The following OR5D3 variants were observed in gnomAD, a reference collection of about 807,000 sequenced individuals.
OR5D3 encodes the protein olfactory receptor 5D3.
the OR5D3 span, chr11:55,723,960 A>C: frequency 2.5e-6 from 1 of 397,778 alleles, no homozygotes; most frequent in Non-Finnish European, 4.4e-6. Flanking sequence ...GTTTGTTTCT[A>C]TTAATTAAGT....
chr11:55,726,587 C>T, the OR5D3 span: 9 of 404,266 alleles, frequency 2.2e-5, no homozygotes, highest in Non-Finnish European at 3.1e-5. Context: ...AGATTTGTGG[C>T]AGTGTGTAAC....
chr11:55,724,155 T>C, the OR5D3 span: 1 of 389,004 alleles, frequency 2.6e-6, no homozygotes. Context: ...TGAAGTGCCC[T>C]CAAATCCACT....
At chr11:55,729,188 A>G in the OR5D3 span, 2 of 151,956 alleles carry the variant, frequency 1.3e-5, no homozygotes, top group African/African-American at 2.4e-5. Context: ...TTCCCCCCCA[A>G]ATTCTCAAAT....
the OR5D3 span, chr11:55,729,321 C>G: frequency 2.0e-5 from 3 of 151,742 alleles, no homozygotes; most frequent in Non-Finnish European, 4.4e-5. Context: ...TCTACAAATA[C>G]ATTTGTATGC....
chr11:55,727,080 C>G, the OR5D3 span: 3 of 404,100 alleles, frequency 7.4e-6, no homozygotes, highest in Non-Finnish European at 1.3e-5. Flanking sequence ...ACCCCTTGAT[C>G]TATAGCCTCA....
At chr11:55,723,982 G>A in the OR5D3 span, 1 of 397,964 alleles carries the variant, frequency 2.5e-6, no homozygotes, top group Non-Finnish European at 4.4e-6. Context: ...CTAAGCGGGA[G>A]CATTATTGGA....
At chr11:55,726,932 C>T in the OR5D3 span, 1 of 399,642 alleles carries the variant, frequency 2.5e-6, no homozygotes, top group East Asian at 3.6e-5. Flanking sequence ...GCGTTCTCCA[C>T]GTGTGCCTCC....
chr11:55,726,242 T>A, the OR5D3 span: 5 of 401,454 alleles, frequency 1.2e-5, no homozygotes, highest in Non-Finnish European at 1.8e-5. Flanking sequence ...ACTGCTGGAG[T>A]CACCTTCATC....
the OR5D3 span, chr11:55,727,684 A>G: frequency 2.0e-5 from 3 of 152,052 alleles, no homozygotes; most frequent in South Asian, 6.2e-4. Flanking sequence ...GGTATTATAA[A>G]TTATATTTTT....
At chr11:55,725,209 C>T in the OR5D3 span, among the ~76,000 whole-genome samples, 2 of 151,972 alleles carry the variant, frequency 1.3e-5, no homozygotes, top group South Asian at 2.1e-4. Flanking sequence ...CATTCATTAG[C>T]AATCTTTCTG....
the OR5D3 span, chr11:55,726,279 C>A: frequency 9.7e-6 from 4 of 412,324 alleles, no homozygotes; most frequent in Non-Finnish European, 1.7e-5. Context: ...AATTTCCAGA[C>A]CTTCAGATAC....
At chr11:55,726,512 A>T in the OR5D3 span, 1 of 432,400 alleles carries the variant, frequency 2.3e-6, no homozygotes, top group Non-Finnish European at 4.2e-6. Context: ...TGCATCATGC[A>T]ATTCTTCTTT....
chr11:55,725,884 T>C, the OR5D3 span, among the ~76,000 whole-genome samples: 2 of 152,080 alleles, frequency 1.3e-5, no homozygotes, highest in Non-Finnish European at 2.9e-5. Context: ...CAGAAATATT[T>C]GCACTTATCT....
At chr11:55,728,680 C>A in the OR5D3 span, 2 of 151,968 alleles carry the variant, frequency 1.3e-5, no homozygotes, top group Non-Finnish European at 2.9e-5. Context: ...TCTTTATTTC[C>A]AAATAAAAAT....
chr11:55,724,524 C>T, the OR5D3 span, among the ~76,000 whole-genome samples: 1 of 151,926 alleles, frequency 6.6e-6, no homozygotes, highest in East Asian at 1.9e-4. Context: ...AGATAGAAAG[C>T]AAACTTTATG....
the OR5D3 span, chr11:55,726,860 C>T: frequency 5.0e-6 from 2 of 399,086 alleles, no homozygotes; most frequent in Admixed American, 4.4e-5. Flanking sequence ...ATCATTCTCA[C>T]TTCCTATGCT....
the OR5D3 span, chr11:55,723,874 T>A: frequency 2.7e-6 from 1 of 376,876 alleles, no homozygotes; most frequent in African/African-American, 2.1e-5. Context: ...TGAGTTTTCT[T>A]AATAGGTTGG....
chr11:55,724,030 A>G, the OR5D3 span: 4 of 397,964 alleles, frequency 1.0e-5, no homozygotes, highest in Non-Finnish European at 1.8e-5. Context: ...CAGTAAATGA[A>G]TCACTCAGAT....
chr11:55,727,430 A>G, the OR5D3 span: 1 of 208,644 alleles, frequency 4.8e-6, no homozygotes, highest in Admixed American at 5.9e-5. Context: ...TTCAATTTAA[A>G]TCTTGCAAAA....
Sources: allele counts gnomAD v4.1 joint callset (sites outside exome capture counted in the v4.1 genomes callset), GRCh38; gene constraint gnomAD v4.1.1; transcripts MANE v1.5; gene names NCBI Gene and HGNC (gene_info 2026-07-23, HGNC 2026-07-21).